The following ARHGAP35 variants were observed in gnomAD, a reference collection of about 807,000 sequenced individuals.
The protein encoded by ARHGAP35 is rho GTPase-activating protein 35.
Under a neutral mutation model 111.1 loss-of-function variants are expected in ARHGAP35, and 15 were observed. The observed-to-expected ratio is 0.13, with a 90% CI of 0.09 to 0.21. The LOEUF (loss-of-function observed/expected upper bound fraction) is 0.21. ARHGAP35 is among the 10% of genes least tolerant of loss of function. The pLI is 1.00. For missense variants in ARHGAP35, 1,262 were observed against 1,873.0 expected, an observed-to-expected ratio of 0.67 and a Z score of 6.02; for synonymous variants, 643 against 710.3, an observed-to-expected ratio of 0.91 and a Z score of 1.51.
At chr19:46,894,790 C>G (rs547219847) in intron 1 of ARHGAP35, among the ~76,000 whole-genome samples, 1 of 152,028 alleles carries the variant, frequency 6.6e-6, no homozygotes, top group East Asian at 1.9e-4. Context: ...TCTGCTGTCT[C>G]CTATGTCATG....
At chr19:46,915,247 C>T (rs952632147) in intron 1 of ARHGAP35, among the ~76,000 whole-genome samples, 1 of 152,134 alleles carries the variant, frequency 6.6e-6, no homozygotes, top group South Asian at 2.1e-4. Context: ...GTAGAGGATG[C>T]GAAAGGTTTG....
chr19:46,984,509 T>C (rs1269506938), intron 3 of ARHGAP35, among the ~76,000 whole-genome samples: 1 of 152,214 alleles, frequency 6.6e-6, no homozygotes, highest in Non-Finnish European at 1.5e-5. Context: ...TGGTGGTGTT[T>C]GCAGCCTGCT....
intron 1 of ARHGAP35, among the ~76,000 whole-genome samples, chr19:46,903,878 G>A (rs1297091302): frequency 6.6e-6 from 1 of 150,432 alleles, no homozygotes; most frequent in Non-Finnish European, 1.5e-5. Context: ...AACAGGATAT[G>A]TTACTTATAG....
At chr19:46,982,770 C>T (rs1198078726) in intron 3 of ARHGAP35, among the ~76,000 whole-genome samples, 1 of 151,700 alleles carries the variant, frequency 6.6e-6, no homozygotes, top group Non-Finnish European at 1.5e-5. Context: ...TGAGGCCAGG[C>T]GCAATGGCCC....
chr19:46,895,250 A>T (rs1451904381), intron 1 of ARHGAP35, among the ~76,000 whole-genome samples: 5 of 145,272 alleles, frequency 3.4e-5, no homozygotes. Flanking sequence ...TGCAAGCTCC[A>T]CCTCCCGGGT....
chr19:46,962,581 C>T (rs2056490338), intron 3 of ARHGAP35, among the ~76,000 whole-genome samples: 1 of 152,168 alleles, frequency 6.6e-6, no homozygotes, highest in African/African-American at 2.4e-5. Flanking sequence ...AAGTTCGGTT[C>T]TCTGTTACTC....
At chr19:46,888,359 CA>C (rs1334799865) in intron 1 of ARHGAP35, among the ~76,000 whole-genome samples, 19 of 136,450 alleles carry the variant, frequency 1.4e-4, no homozygotes, top group Middle Eastern at 3.7e-3. Flanking sequence ...CACACACACA[CA>C]CACACCCCAC....
At position 46,982,476 on chromosome 19, in the gene ARHGAP35, C is replaced by CA. The variant is rs111425230; in HGVS notation, c.3827-5498dup. 8.3e-3 allele frequency among the ~76,000 whole-genome samples: 802 copies of CA among 96,740 alleles called. 5 individuals carry two copies. The highest frequency in any genetic ancestry group is 0.023 in the African/African-American group (605 of 25,776). The allele number at this position is 96,740 out of a possible 152,430, so 63.5% of individuals were successfully genotyped here. ...TGGGCAACAGAGTGAGACTTTGTCT[C>CA]AAAAAAAAAAAAAAAGATTAAGCAA... On this transcript the variant is annotated intron_variant, in intron 3 of 6. Coordinates refer to ENST00000672722, the MANE Select transcript of ARHGAP35 (RefSeq NM_004491.5).
rs117451183 is a variant in ARHGAP35 at position 46,905,270 on chromosome 19, A to G, written c.-188-13218A>G. Among the ~76,000 whole-genome samples, 1,255 of 152,264 alleles carry G rather than the reference A, an allele frequency of 8.2e-3. 9 individuals are homozygous for G. The highest frequency in any genetic ancestry group is 0.013 in the Non-Finnish European group (917 of 68,016). The stretch of plus-strand genomic sequence containing the variant: ...AGGTTGGGCGTGGTGGCTCACGCCT[A>G]TAATCTCAGCACTTTGGGAGGCTGA... On this transcript the variant is annotated intron_variant, in intron 1 of 6. Coordinates refer to ENST00000672722, the MANE Select transcript of ARHGAP35 (RefSeq NM_004491.5).
intron 3 of ARHGAP35, among the ~76,000 whole-genome samples, chr19:46,959,286 A>G (rs972723470): frequency 6.7e-6 from 1 of 149,644 alleles, no homozygotes; most frequent in Non-Finnish European, 1.5e-5. Flanking sequence ...CTGGTCTCAA[A>G]CTCCTGTGCT....
intron 3 of ARHGAP35, among the ~76,000 whole-genome samples, chr19:46,972,564 C>T (rs2056556778): frequency 1.3e-5 from 2 of 152,222 alleles, no homozygotes; most frequent in South Asian, 4.1e-4. Flanking sequence ...GGCAGCATGA[C>T]AGATGTGGCC....
chr19:46,970,241 A>G (rs2056538011), intron 3 of ARHGAP35, among the ~76,000 whole-genome samples: 1 of 152,200 alleles, frequency 6.6e-6, no homozygotes, highest in Non-Finnish European at 1.5e-5. Context: ...CATTGGCAAT[A>G]TATTGCACAC....
Position 46,988,198 on chromosome 19 carries a change from G to A in ARHGAP35, c.3904+132G>A. On this transcript the variant is annotated intron_variant, in intron 4 of 6. Coordinates refer to ENST00000672722, the MANE Select transcript of ARHGAP35 (RefSeq NM_004491.5). The surrounding 1 kb of genome is among the most constrained non-coding windows in gnomAD (Gnocchi z 5.4). Reference sequence around the variant, plus strand: ...CCCAAAGCCACGAGGTGCTGAGACTGAGAAAGAGACCATGTGTGGCTGCAG... The same window carrying A: ...CCCAAAGCCACGAGGTGCTGAGACTAAGAAAGAGACCATGTGTGGCTGCAG... 1.2e-6 allele frequency: 1 copy of A among 821,582 alleles called. No individual in the cohort carries two copies. The highest frequency in any genetic ancestry group is 2.0e-6 in the Non-Finnish European group (1 of 510,396). 50.9% of individuals were successfully genotyped at this position (821,582 alleles called of 1,614,324 possible).
At chr19:46,874,653 T>C (rs1205409538) in intron 1 of ARHGAP35, among the ~76,000 whole-genome samples, 64 of 140,654 alleles carry the variant, frequency 4.6e-4, no homozygotes, top group African/African-American at 5.6e-4. Context: ...TACAGGCGCC[T>C]GCTACCATGC....
chr19:46,883,671 A>C (rs1346361958), intron 1 of ARHGAP35, among the ~76,000 whole-genome samples: 1 of 152,218 alleles, frequency 6.6e-6, no homozygotes, highest in Non-Finnish European at 1.5e-5. Context: ...TGATGCTGAT[A>C]GACTTGCTCA....
chr19:46,886,374 A>G (rs2055993272), intron 1 of ARHGAP35, among the ~76,000 whole-genome samples: 1 of 151,900 alleles, frequency 6.6e-6, no homozygotes, highest in Non-Finnish European at 1.5e-5. Flanking sequence ...GATCTAGACT[A>G]TGCTCCGTAA....
Position 46,972,552 on chromosome 19 carries a change from C to T in ARHGAP35, c.3827-15437C>T, listed in dbSNP as rs944870851. Among the ~76,000 whole-genome samples, 8 of 152,308 alleles carry T rather than the reference C, an allele frequency of 5.3e-5. No individual in the cohort carries two copies. The South Asian group carries it at 8.3e-4, about 16-fold the overall frequency. On this transcript the variant is annotated intron_variant, in intron 3 of 6. Coordinates refer to ENST00000672722, the MANE Select transcript of ARHGAP35 (RefSeq NM_004491.5). ...GTGAGAGGTACGAAAGCAGTGTCTG[C>T]GGGCAGCATGACAGATGTGGCCCTG...
intron 1 of ARHGAP35, among the ~76,000 whole-genome samples, chr19:46,886,663 G>A (rs1320749333): frequency 6.6e-6 from 1 of 152,148 alleles, no homozygotes; most frequent in African/African-American, 2.4e-5. Flanking sequence ...AGGAGATGGA[G>A]GAGGCTTAGA....
At chr19:46,932,971 G>A (rs971242636) in intron 2 of ARHGAP35, among the ~76,000 whole-genome samples, 27 of 152,050 alleles carry the variant, frequency 1.8e-4, no homozygotes, top group African/African-American at 6.5e-4. Context: ...AAAGAAGCCT[G>A]CTCTATAGTC....
Sources: allele counts gnomAD v4.1 joint callset (sites outside exome capture counted in the v4.1 genomes callset), GRCh38; gene constraint gnomAD v4.1.1; non-coding constraint Gnocchi (gnomAD v3.1); transcripts MANE v1.5; gene names NCBI Gene and HGNC (gene_info 2026-07-23, HGNC 2026-07-21).